Variants in PDE8B observed in about 807,000 individuals in gnomAD.
PDE8B encodes the protein phosphodiesterase 8B, also known as high affinity cAMP-specific and IBMX-insensitive 3',5'-cyclic phosphodiesterase 8B.
PDE8B carries 26 observed loss-of-function variants against 101.3 expected under a neutral mutation model. The ratio of observed to expected loss-of-function variants is 0.26; its 90% CI spans 0.19 to 0.36. PDE8B has a LOEUF of 0.36. Among genes scored for constraint, PDE8B ranks in the 10% least tolerant of loss-of-function variants. PDE8B has a pLI of 1.00. For synonymous variants in PDE8B, 424 were observed against 429.3 expected (o/e 0.99, Z 0.15); for missense variants, 810 against 1,163.1 (o/e 0.70, Z 4.42).
chr5:77,359,124 G>A (rs530455745), intron 10 of PDE8B, among the ~76,000 whole-genome samples: 36 of 152,262 alleles, frequency 2.4e-4, no homozygotes, highest in South Asian at 2.1e-4. Context: ...GATAAGCAGG[G>A]GCTTGCAGCC....
intron 10 of PDE8B, among the ~76,000 whole-genome samples, chr5:77,364,233 A>G (rs1783693572): frequency 6.6e-6 from 1 of 152,328 alleles, no homozygotes; most frequent in African/African-American, 2.4e-5. Context: ...TGACTGCAGC[A>G]TTTCAGTTCA....
intron 1 of PDE8B, chr5:77,290,633 T>G: frequency 6.6e-7 from 1 of 1,510,352 alleles, no homozygotes; most frequent in Non-Finnish European, 9.2e-7. Context: ...TTCAGGAGTA[T>G]GTGGATATCT....
intron 1 of PDE8B, among the ~76,000 whole-genome samples, chr5:77,230,193 T>A (rs1753274796): frequency 6.6e-6 from 1 of 152,218 alleles, no homozygotes; most frequent in Non-Finnish European, 1.5e-5. Context: ...CATTCAAGGT[T>A]GTTTTTAAGA....
At chr5:77,275,133 G>A (rs34089667) in intron 1 of PDE8B, among the ~76,000 whole-genome samples, 8,619 of 152,230 alleles carry the variant, frequency 0.057, 341 homozygotes, top group Non-Finnish European at 0.088. Context: ...GCTGAAGCAG[G>A]AGGATCACCT....
chr5:77,173,562 G>A, the PDE8B span, among the ~76,000 whole-genome samples: 14 of 152,222 alleles, frequency 9.2e-5, no homozygotes, highest in East Asian at 2.7e-3. Context: ...CAGAAGGGAA[G>A]ATAAAGAATA....
At chr5:77,101,276 T>TTTTCTTTTGCA in the PDE8B span, among the ~76,000 whole-genome samples, 1 of 152,092 alleles carries the variant, frequency 6.6e-6, no homozygotes, top group Non-Finnish European at 1.5e-5. Context: ...AGGTCAATTT[T>TTTTCTTTTGCA]TTTCTTTTGC....
chr5:77,169,851 G>T, the PDE8B span, among the ~76,000 whole-genome samples: 2 of 152,322 alleles, frequency 1.3e-5, no homozygotes, highest in Admixed American at 1.3e-4. Context: ...CCTGTGGATA[G>T]TGTGAGTGCT....
chr5:77,276,641 G>A (rs1266855485), intron 1 of PDE8B, among the ~76,000 whole-genome samples: 2 of 152,180 alleles, frequency 1.3e-5, no homozygotes, highest in African/African-American at 4.8e-5. Flanking sequence ...CTAACTCACA[G>A]TGCTGGACTC....
chr5:77,235,799 A>T (rs1358148936), intron 1 of PDE8B, among the ~76,000 whole-genome samples: 1 of 150,598 alleles, frequency 6.6e-6, no homozygotes, highest in Non-Finnish European at 1.5e-5. Context: ...TGTTTGAGAC[A>T]CTGAGTTACA....
intron 21 of PDE8B, 64 bp from the exon 22 acceptor site, chr5:77,426,381 G>T: frequency 9.4e-7 from 1 of 1,064,404 alleles, no homozygotes; most frequent in South Asian, 1.3e-5. Flanking sequence ...GACACCCCCA[G>T]GCTTATAAAT....
intron 12 of PDE8B, among the ~76,000 whole-genome samples, chr5:77,405,788 A>G (rs1050945594): frequency 1.3e-5 from 2 of 152,148 alleles, no homozygotes; most frequent in Non-Finnish European, 2.9e-5. Context: ...AGAACTCGAG[A>G]GCGGACAACA....
intron 10 of PDE8B, among the ~76,000 whole-genome samples, chr5:77,387,474 C>T (rs1241844490): frequency 6.6e-6 from 1 of 152,180 alleles, no homozygotes; most frequent in African/African-American, 2.4e-5. Context: ...GTAACCCGAC[C>T]TTTCTCACTG....
the PDE8B span, among the ~76,000 whole-genome samples, chr5:77,092,187 G>T: frequency 2.0e-5 from 3 of 152,088 alleles, no homozygotes; most frequent in Non-Finnish European, 4.4e-5. Context: ...CAGATAAAAG[G>T]AGCTTAGCTT....
the PDE8B span, among the ~76,000 whole-genome samples, chr5:77,096,094 A>G: frequency 6.6e-6 from 1 of 152,004 alleles, no homozygotes; most frequent in Non-Finnish European, 1.5e-5. Context: ...GGTTCCAGCA[A>G]TTCTCCCACC....
chr5:77,352,033 T>C (rs1781228265), intron 9 of PDE8B, among the ~76,000 whole-genome samples: 2 of 152,242 alleles, frequency 1.3e-5, no homozygotes, highest in African/African-American at 4.8e-5. Flanking sequence ...GTTTCAAAAT[T>C]GCTCTCCCAT....
chr5:77,319,972 A>C (rs1581018225), intron 2 of PDE8B, among the ~76,000 whole-genome samples: 1 of 126,084 alleles, frequency 7.9e-6, no homozygotes, highest in African/African-American at 3.9e-5. Context: ...TAATATTTTA[A>C]GTTACAGTAT....
intron 20 of PDE8B, among the ~76,000 whole-genome samples, chr5:77,424,267 A>G (rs1389414865): frequency 6.6e-6 from 1 of 152,190 alleles, no homozygotes; most frequent in Admixed American, 6.5e-5. Context: ...CTCAGTGTGA[A>G]TGGAGGATGA....
intron 10 of PDE8B, among the ~76,000 whole-genome samples, chr5:77,378,149 C>T (rs1474419829): frequency 6.6e-6 from 1 of 151,948 alleles, no homozygotes; most frequent in African/African-American, 2.4e-5. Flanking sequence ...GTAAGTTCCC[C>T]AGGTTTATAC....
At chr5:77,227,432 C>T (rs1752633698) in intron 1 of PDE8B, among the ~76,000 whole-genome samples, 1 of 151,880 alleles carries the variant, frequency 6.6e-6, no homozygotes, top group African/African-American at 2.4e-5. Flanking sequence ...TAATTAGGTT[C>T]CTGGGAGAAA....
Sources: gnomAD v4.1 joint callset for allele counts (sites outside exome capture counted in the v4.1 genomes callset) on GRCh38, gnomAD v4.1.1 for gene constraint, MANE v1.5 for transcripts, NCBI Gene and HGNC (gene_info 2026-07-23, HGNC 2026-07-21) for gene names.